THSD7A: variants seen among roughly 807,000 people sequenced by gnomAD.
THSD7A encodes the protein thrombospondin type-1 domain-containing protein 7A.
In THSD7A, 96 loss-of-function variants were observed where a neutral mutation model predicts 231.3. That is an observed-to-expected ratio of 0.41 (90% CI 0.35 to 0.49). The LOEUF (loss-of-function observed/expected upper bound fraction) is 0.49, where lower values mean the gene tolerates loss of function less well. Among genes scored for constraint, THSD7A ranks in the 20% least tolerant of loss-of-function variants. The pLI is 0.05. For missense variants in THSD7A, 2,290 were observed against 2,070.2 expected (o/e 1.11, Z -2.06); for synonymous variants, 940 against 743.3 (o/e 1.26, Z -4.30).
chr7:11,773,470 G>C (rs10950367), intron 1 of THSD7A, among the ~76,000 whole-genome samples: 107,435 of 151,924 alleles, frequency 0.71, 38,392 homozygotes, highest in African/African-American at 0.81. Context: ...GCAGAGATTG[G>C]GGTGAGCTGA....
At chr7:11,745,976 G>C (rs956672312) in intron 1 of THSD7A, among the ~76,000 whole-genome samples, 4 of 151,900 alleles carry the variant, frequency 2.6e-5, no homozygotes, top group Non-Finnish European at 4.4e-5. Context: ...TTTCAATTCT[G>C]TGAAGAAAGT....
chr7:11,719,267 C>T (rs1304134954), intron 1 of THSD7A, among the ~76,000 whole-genome samples: 1 of 151,572 alleles, frequency 6.6e-6, no homozygotes, highest in Admixed American at 6.6e-5. Context: ...TGTTTCCTCC[C>T]ACCCTACGCC....
intron 1 of THSD7A, among the ~76,000 whole-genome samples, chr7:11,767,142 C>T (rs1783055667): frequency 6.6e-6 from 1 of 152,106 alleles, no homozygotes; most frequent in South Asian, 2.1e-4. Context: ...AGTTCATGAA[C>T]ATAAGGAGAA....
chr7:11,542,307 T>C (rs923689720), intron 5 of THSD7A, among the ~76,000 whole-genome samples: 2 of 152,220 alleles, frequency 1.3e-5, no homozygotes, highest in Non-Finnish European at 2.9e-5. Flanking sequence ...TTTATTGCTA[T>C]GTAAACATAC....
chr7:11,643,594 C>T (rs76426865), intron 1 of THSD7A, among the ~76,000 whole-genome samples: 3,696 of 54,592 alleles, frequency 0.068, 154 homozygotes, highest in African/African-American at 0.27. Flanking sequence ...ATACACCACA[C>T]GCACGCGCGC....
intron 1 of THSD7A, among the ~76,000 whole-genome samples, chr7:11,684,460 C>A (rs1401088999): frequency 1.3e-5 from 2 of 149,066 alleles, no homozygotes; most frequent in East Asian, 2.0e-4. Flanking sequence ...TCTTTGCAGA[C>A]AATATGATTC....
At chr7:11,408,274 C>T (rs568822410) in intron 19 of THSD7A, among the ~76,000 whole-genome samples, 33 of 151,978 alleles carry the variant, frequency 2.2e-4, no homozygotes, top group Non-Finnish European at 4.0e-4. Context: ...TTTGGGAGAC[C>T]GAGGTGGGCG....
At chr7:11,613,688 T>C (rs1021610253) in intron 2 of THSD7A, among the ~76,000 whole-genome samples, 2 of 152,202 alleles carry the variant, frequency 1.3e-5, no homozygotes, top group African/African-American at 4.8e-5. Context: ...GTTTTTCCCA[T>C]CAGCAGTGAA....
intron 1 of THSD7A, among the ~76,000 whole-genome samples, chr7:11,691,226 G>T (rs921441527): frequency 6.6e-6 from 1 of 151,486 alleles, no homozygotes; most frequent in African/African-American, 2.4e-5. Context: ...TGAACAAAAA[G>T]ATTCTCTTGT....
intron 2 of THSD7A, among the ~76,000 whole-genome samples, chr7:11,594,358 TG>T (rs1213497464): frequency 6.6e-6 from 1 of 151,986 alleles, no homozygotes; most frequent in Non-Finnish European, 1.5e-5. Context: ...GTACCAGGAG[TG>T]GTTCTACAGG....
intron 25 of THSD7A, 93 bp downstream of exon 25, chr7:11,379,537 C>T: frequency 8.1e-7 from 1 of 1,236,368 alleles, no homozygotes; most frequent in Non-Finnish European, 1.2e-6. Context: ...TGCCTCAAGA[C>T]ATGCTTTCTT....
chr7:11,587,160 C>T (rs1417413164), intron 4 of THSD7A, among the ~76,000 whole-genome samples: 2 of 152,144 alleles, frequency 1.3e-5, no homozygotes, highest in Non-Finnish European at 2.9e-5. Context: ...TACTTCCATG[C>T]ATCCAATGAT....
intron 23 of THSD7A, among the ~76,000 whole-genome samples, chr7:11,389,227 C>CTAAG (rs1203488585): frequency 6.6e-6 from 1 of 151,874 alleles, no homozygotes; most frequent in African/African-American, 2.4e-5. Context: ...GTGTGGGAGT[C>CTAAG]TAAGTCTCTT....
rs558259183 is a variant in THSD7A at position 11,785,681 on chromosome 7, G to A, written c.190+46076C>T. Among the ~76,000 whole-genome samples, 25 of 152,106 alleles carry A rather than the reference G, an allele frequency of 1.6e-4. No homozygotes were observed. In the East Asian group the frequency reaches 1.9e-3, roughly 12 times the overall value. The stretch of plus-strand genomic sequence containing the variant: ...CCATATTCAAGAAATCCATGATAGA[G>A]TATTAAAATAATGTTCTAATAAACT... On this transcript the variant is annotated intron_variant, in intron 1 of 27. Transcript: ENST00000423059.
intron 4 of THSD7A, among the ~76,000 whole-genome samples, chr7:11,571,760 T>G (rs1790642361): frequency 6.6e-6 from 1 of 152,218 alleles, no homozygotes; most frequent in Non-Finnish European, 1.5e-5. Context: ...GTCTGAGATT[T>G]CAACCCTCGT....
intron 6 of THSD7A, among the ~76,000 whole-genome samples, chr7:11,526,176 C>G (rs1788466460): frequency 6.6e-6 from 1 of 152,132 alleles, no homozygotes; most frequent in African/African-American, 2.4e-5. Flanking sequence ...CTGGTTTTAT[C>G]CACAAAGATT....
intron 25 of THSD7A, 66 bp from the exon 26 acceptor site, chr7:11,379,346 C>T (rs897255305): frequency 2.6e-5 from 40 of 1,511,836 alleles, no homozygotes; most frequent in Non-Finnish European, 3.3e-5. Context: ...ACAGACCTGA[C>T]TTGAAGAGAA....
At chr7:11,502,411 A>G (rs1201629200) in intron 6 of THSD7A, among the ~76,000 whole-genome samples, 1 of 152,210 alleles carries the variant, frequency 6.6e-6, no homozygotes, top group African/African-American at 2.4e-5. Flanking sequence ...AACCAAATCC[A>G]GCAGCACGTC....
At chr7:11,538,275 A>G (rs1260169029) in intron 6 of THSD7A, among the ~76,000 whole-genome samples, 1 of 152,038 alleles carries the variant, frequency 6.6e-6, no homozygotes, top group African/African-American at 2.4e-5. Flanking sequence ...TTTTTTTTCG[A>G]AAGTCACATG....
Sources: gnomAD v4.1 joint callset for allele counts (sites outside exome capture counted in the v4.1 genomes callset) on GRCh38, gnomAD v4.1.1 for gene constraint, MANE v1.5 for transcripts, NCBI Gene and HGNC (gene_info 2026-07-23, HGNC 2026-07-21) for gene names.